NR5A2: variants seen among roughly 807,000 people sequenced by gnomAD.
NR5A2 encodes CYP7A promoter-binding factor.
Under a neutral mutation model 62.7 loss-of-function variants are expected in NR5A2, and 26 were observed. The observed-to-expected ratio is 0.41, with a 90% CI of 0.30 to 0.58. The LOEUF is 0.58. NR5A2 is among the 20% of genes least tolerant of loss of function. The pLI is 0.22. For synonymous variants in NR5A2, 246 were observed against 241.7 expected (o/e 1.02, Z -0.16); for missense variants, 541 against 669.1 (o/e 0.81, Z 2.11).
chr1:200,148,524 T>C (rs542071733), intron 7 of NR5A2, among the ~76,000 whole-genome samples: 12 of 152,230 alleles, frequency 7.9e-5, no homozygotes, highest in African/African-American at 2.6e-4. Flanking sequence ...ACTCAGACTC[T>C]AGACAAGACT....
intron 5 of NR5A2, among the ~76,000 whole-genome samples, chr1:200,081,111 A>G (rs938094143): frequency 6.6e-6 from 1 of 152,230 alleles, no homozygotes; most frequent in Non-Finnish European, 1.5e-5. Context: ...TTAGCCGTCA[A>G]AAGAATCTGT....
chr1:200,045,680 C>A, intron 4 of NR5A2, 96 bp downstream of exon 4: 1 of 1,051,940 alleles, frequency 9.5e-7, no homozygotes, highest in African/African-American at 1.6e-5. Flanking sequence ...ATTATTTTCC[C>A]AGCATTTTAA....
At chr1:200,083,649 TATTGTACAGC>T (rs1240627526) in intron 5 of NR5A2, among the ~76,000 whole-genome samples, 1 of 149,866 alleles carries the variant, frequency 6.7e-6, no homozygotes, top group Admixed American at 6.7e-5. Flanking sequence ...TATTGTACAG[TATTGTACAGC>T]AATATTGTAT....
At chr1:200,165,103 C>T (rs1334741686) in intron 7 of NR5A2, among the ~76,000 whole-genome samples, 4 of 152,088 alleles carry the variant, frequency 2.6e-5, no homozygotes, top group African/African-American at 9.7e-5. Flanking sequence ...TCTCAAACTC[C>T]TGACCTCAGG....
chr1:200,149,412 C>T (rs564692329), intron 7 of NR5A2, among the ~76,000 whole-genome samples: 6 of 152,334 alleles, frequency 3.9e-5, no homozygotes, highest in African/African-American at 1.4e-4. Flanking sequence ...CCTTGCCCTT[C>T]ATGGGTCCTG....
intron 5 of NR5A2, among the ~76,000 whole-genome samples, chr1:200,076,639 T>C (rs1050263281): frequency 6.6e-5 from 10 of 152,212 alleles, no homozygotes; most frequent in African/African-American, 2.4e-4. Flanking sequence ...CTTACTTGAT[T>C]TGAGAATTCA....
intron 1 of NR5A2, among the ~76,000 whole-genome samples, chr1:200,036,890 G>T (rs1056988584): frequency 6.6e-6 from 1 of 152,150 alleles, no homozygotes; most frequent in Non-Finnish European, 1.5e-5. Context: ...AAAGGAAAGG[G>T]CTTCCCTCCG....
chr1:200,038,428 C>G (rs1244830535), intron 1 of NR5A2, among the ~76,000 whole-genome samples: 1 of 152,186 alleles, frequency 6.6e-6, no homozygotes, highest in East Asian at 1.9e-4. Context: ...TGAGTGAGCT[C>G]TTGGCTTGTG....
chr1:200,113,187 T>G (rs922520559), intron 6 of NR5A2, among the ~76,000 whole-genome samples: 6 of 152,192 alleles, frequency 3.9e-5, no homozygotes, highest in Admixed American at 1.3e-4. Flanking sequence ...AGTTATTTCC[T>G]TATATGTTTC....
At position 200,039,375 on chromosome 1, in the gene NR5A2, C is replaced by T. The variant is rs371936601; in HGVS notation, c.65-283C>T. The stretch of plus-strand genomic sequence containing the variant: ...CTCGGCGGTTCACGGCTCCGCGCCC[C>T]GGGCAGCTGCGTCCTCGCCACCGCC... On this transcript the variant is annotated intron_variant, in intron 1 of 7. Coordinates refer to ENST00000367362, the MANE Select transcript of NR5A2 (RefSeq NM_205860.3). This position sits in a 1 kb window ranked among gnomAD's most constrained non-coding sequence, Gnocchi z 5.1. Among the ~76,000 whole-genome samples, 904 of 151,646 alleles carry T rather than the reference C, an allele frequency of 6.0e-3. 8 individuals are homozygous for T. The highest frequency in any genetic ancestry group is 0.02 in the African/African-American group (810 of 41,350).
At chr1:200,054,328 T>C (rs1405684017) in intron 5 of NR5A2, among the ~76,000 whole-genome samples, 1 of 149,894 alleles carries the variant, frequency 6.7e-6, no homozygotes, top group East Asian at 1.9e-4. Flanking sequence ...GAGCTGTCCT[T>C]GTGAGTCAAG....
chr1:200,120,759 A>G, intron 6 of NR5A2, 49 bp from the exon 7 acceptor site: 1 of 1,495,016 alleles, frequency 6.7e-7, no homozygotes, highest in Non-Finnish European at 8.9e-7. Context: ...CAGGTGAAAT[A>G]CATATTGCTG....
intron 7 of NR5A2, among the ~76,000 whole-genome samples, chr1:200,161,172 G>A (rs764674786): frequency 9.2e-5 from 14 of 152,002 alleles, no homozygotes; most frequent in Admixed American, 1.3e-4. Flanking sequence ...ATCAAACACC[G>A]TATGTATTTG....
intron 5 of NR5A2, among the ~76,000 whole-genome samples, chr1:200,097,137 A>G (rs1245636136): frequency 3.3e-5 from 5 of 152,266 alleles, no homozygotes; most frequent in African/African-American, 7.2e-5. Context: ...ATTTCTTTCT[A>G]TAAATATCAA....
intron 7 of NR5A2, among the ~76,000 whole-genome samples, chr1:200,127,884 G>A (rs1418833254): frequency 3.8e-5 from 5 of 132,684 alleles, no homozygotes; most frequent in African/African-American, 1.4e-4. Context: ...AGGGAGGACT[G>A]TACTTACTAA....
rs1193044791 is a variant in NR5A2 at position 200,039,404 on chromosome 1, G to T, written c.65-254G>T. 5.3e-5 allele frequency among the ~76,000 whole-genome samples: 8 copies of T among 151,854 alleles called. No individual in the cohort carries two copies. Among genetic ancestry groups the T allele is most frequent in the Non-Finnish European group, 7.4e-5 (5 of 67,952 alleles). ...CAGCTGCGTCCTCGCCACCGCCGCC[G>T]CCTGCGCCCTTGCGGAGCCGAACCA... On this transcript the variant is annotated intron_variant, in intron 1 of 7. Transcript: ENST00000367362. The surrounding 1 kb of genome is among the most constrained non-coding windows in gnomAD (Gnocchi z 5.1).
intron 2 of NR5A2, among the ~76,000 whole-genome samples, chr1:200,042,299 G>T (rs1276513509): frequency 6.6e-6 from 1 of 152,136 alleles, no homozygotes; most frequent in East Asian, 1.9e-4. Flanking sequence ...AACTCCGCGG[G>T]TCTGCGCGCA....
intron 5 of NR5A2, among the ~76,000 whole-genome samples, chr1:200,081,041 A>G (rs1664269364): frequency 6.6e-6 from 1 of 152,246 alleles, no homozygotes; most frequent in Admixed American, 6.5e-5. Context: ...GAAGATATTT[A>G]ATAACTTTCT....
chr1:200,087,820 C>T (rs899598939), intron 5 of NR5A2, among the ~76,000 whole-genome samples: 6 of 143,488 alleles, frequency 4.2e-5, no homozygotes, highest in African/African-American at 7.8e-5. Context: ...GGTGTGATCT[C>T]GGATCACTGC....
Sources: gnomAD v4.1 joint callset for allele counts (sites outside exome capture counted in the v4.1 genomes callset) on GRCh38, gnomAD v4.1.1 for gene constraint, Gnocchi (gnomAD v3.1) non-coding constraint, MANE v1.5 for transcripts, NCBI Gene and HGNC (gene_info 2026-07-23, HGNC 2026-07-21) for gene names.